The following ANKRD33B variants were observed in gnomAD, a reference collection of about 807,000 sequenced individuals.
The protein encoded by ANKRD33B is ankyrin repeat domain-containing protein 33B.
ANKRD33B carries 6 observed loss-of-function variants against 21.5 expected under a neutral mutation model. That is an observed-to-expected ratio of 0.28 (90% confidence interval 0.15 to 0.55). The LOEUF is 0.55. ANKRD33B is among the 20% of genes least tolerant of loss of function. The pLI is 0.94. For missense variants in ANKRD33B, 698 were observed against 747.2 expected (o/e 0.93, Z 0.77); for synonymous variants, 347 against 342.4 (o/e 1.01, Z -0.15).
intron 1 of ANKRD33B, among the ~76,000 whole-genome samples, chr5:10,604,526 A>G (rs920298407): frequency 1.4e-5 from 2 of 143,642 alleles, no homozygotes; most frequent in African/African-American, 2.6e-5. Context: ...AAAAAAAAAG[A>G]AAAAAAAAAG....
chr5:10,569,409 C>T (rs1047321098), intron 1 of ANKRD33B, among the ~76,000 whole-genome samples: 3 of 151,930 alleles, frequency 2.0e-5, no homozygotes, highest in Non-Finnish European at 2.9e-5. Context: ...ACAGCCTGGG[C>T]AACATGGTGA....
intron 1 of ANKRD33B, among the ~76,000 whole-genome samples, chr5:10,614,483 C>A (rs1736240744): frequency 6.6e-6 from 1 of 152,202 alleles, no homozygotes; most frequent in Non-Finnish European, 1.5e-5. Flanking sequence ...CTTGCCCAGG[C>A]TGGTCTCAAA....
At chr5:10,644,698 CTGTTTA>C (rs982023683) in intron 3 of ANKRD33B, among the ~76,000 whole-genome samples, 11 of 152,196 alleles carry the variant, frequency 7.2e-5, no homozygotes, top group Middle Eastern at 3.2e-3. Context: ...AGGTTTCTTT[CTGTTTA>C]TAAGGAAAAC....
intron 1 of ANKRD33B, among the ~76,000 whole-genome samples, chr5:10,617,564 TC>T (rs1291658775): frequency 1.3e-5 from 2 of 152,200 alleles, no homozygotes; most frequent in South Asian, 4.1e-4. Flanking sequence ...CACAGTGGTC[TC>T]CCATCAGCCC....
chr5:10,649,120 G>A (rs1737257170), intron 3 of ANKRD33B, 146 bp from the exon 4 acceptor site: 12 of 1,394,654 alleles, frequency 8.6e-6, no homozygotes, highest in Non-Finnish European at 9.4e-6. Context: ...CACAGGGTTC[G>A]CAGAGTGAAC....
rs1461881847 is a variant in ANKRD33B at position 10,649,338 on chromosome 5, T to C, written c.710T>C (p.Val237Ala). ...GAGTGGGCCACTTACACGGGCCGCG[T>C]GGATGCCGTCCGTCTCATGCAGAGG... ...PQEWATYTGR[V>A]DAVRLMQRLL... The change falls in exon 4 of 4, where the codon GTG (valine) becomes GCG (alanine). Residue 237 changes from valine (V) to alanine (A), a missense_variant. Physicochemically the swap from Val to Ala is moderately conservative, Grantham distance 64 (BLOSUM62 0). Coordinates refer to ENST00000296657, the MANE Select transcript of ANKRD33B (RefSeq NM_001164440.2). 2.0e-6 allele frequency: 3 copies of C among 1,534,964 alleles called. No homozygotes were observed. In the South Asian group the frequency reaches 3.6e-5, roughly 18 times the overall value.
chr5:10,649,452 G>C lies in ANKRD33B; in HGVS notation c.824G>C (p.Gly275Ala), dbSNP rs577790371. 5 of 1,535,150 alleles carry C rather than the reference G, an allele frequency of 3.3e-6. 1 individual carries two copies. In the Admixed American group the frequency reaches 9.8e-5, roughly 30 times the overall value. The change falls in exon 4 of 4, where the codon GGC becomes GCC. Residue 275 changes from glycine (G) to alanine (A), a missense_variant. Around this residue, in one of 3 missense-constraint regions of ANKRD33B, gnomAD observed 543 missense variants for 566.5 expected, o/e 0.96. Coordinates refer to ENST00000296657, the MANE Select transcript of ANKRD33B (RefSeq NM_001164440.2). ...PPPEAARKPA[G>A]SKNCLQRLTD... is the part of the protein sequence containing the mutation. ...CCTGAAGCGGCGCGGAAGCCCGCGG[G>C]CTCCAAGAACTGCCTGCAGAGGCTC...
Position 10,652,519 on chromosome 5 carries a change from A to G in ANKRD33B, c.*2406A>G, listed in dbSNP as rs1386299175. On this transcript the variant is annotated 3_prime_UTR_variant, in exon 4 of 4. Coordinates refer to ENST00000296657, the MANE Select transcript of ANKRD33B (RefSeq NM_001164440.2). The surrounding 1 kb of genome is among the most constrained non-coding windows in gnomAD (Gnocchi z 4.1). ...CCAGACATTCCTGCCTGTTTCCACC[A>G]TGGGAAGCTGTCACTGGGAATGGTA... The G allele has an allele frequency of 6.6e-6, 1 of 152,670 alleles. No individual in the cohort carries two copies. The highest frequency in any genetic ancestry group is 1.5e-5 in the Non-Finnish European group (1 of 68,172). The allele number at this position is 152,670 out of a possible 1,614,324, so 9.5% of individuals were successfully genotyped here.
chr5:10,569,350 A>G (rs1255127852), intron 1 of ANKRD33B, among the ~76,000 whole-genome samples: 1 of 152,136 alleles, frequency 6.6e-6, no homozygotes, highest in Non-Finnish European at 1.5e-5. Flanking sequence ...TAATCCCAGC[A>G]CTTTGGGAGG....
chr5:10,646,047 A>G (rs1007497903), intron 3 of ANKRD33B, among the ~76,000 whole-genome samples: 8 of 152,214 alleles, frequency 5.3e-5, no homozygotes, highest in African/African-American at 1.9e-4. Context: ...CTAATATGTC[A>G]ACAGTGCTGA....
At position 10,656,111 on chromosome 5, in the gene ANKRD33B, G is replaced by T. The variant is rs370413138; in HGVS notation, c.*5998G>T. ...CTCGGTGCATTTGGAACTTGTTTATGCGCTGGTATAACTCGAGTCAGCTGC... is the reference window on the plus strand; with the variant it reads ...CTCGGTGCATTTGGAACTTGTTTATTCGCTGGTATAACTCGAGTCAGCTGC... On this transcript the variant is annotated 3_prime_UTR_variant, in exon 4 of 4. Coordinates refer to ENST00000296657, the MANE Select transcript of ANKRD33B (RefSeq NM_001164440.2). 1 of 152,284 alleles carries T rather than the reference G, an allele frequency of 6.6e-6. No individual in the cohort carries two copies. The highest frequency in any genetic ancestry group is 1.5e-5 in the Non-Finnish European group (1 of 68,034). 9.4% of individuals were successfully genotyped at this position (152,284 alleles called of 1,614,324 possible). A position where few individuals can be genotyped will look rare whatever the true frequency, so the allele number is the denominator to read the frequency against.
chr5:10,569,597 AAAATAAATAAAT>A (rs56346529), intron 1 of ANKRD33B, among the ~76,000 whole-genome samples: 1 of 148,316 alleles, frequency 6.7e-6, no homozygotes, highest in Non-Finnish European at 1.5e-5. Flanking sequence ...CCCGTGTTTG[AAAATAAATAAAT>A]AAATAAATAA....
chr5:10,638,526 G>T (rs73741427), intron 3 of ANKRD33B, among the ~76,000 whole-genome samples: 1,840 of 152,352 alleles, frequency 0.012, 39 homozygotes, highest in African/African-American at 0.042. Context: ...CTGTGCTGTT[G>T]AAGGTGGGCG....
intron 1 of ANKRD33B, among the ~76,000 whole-genome samples, chr5:10,591,937 GT>G (rs1735704182): frequency 6.6e-6 from 1 of 151,892 alleles, no homozygotes; most frequent in Non-Finnish European, 1.5e-5. Flanking sequence ...TATATTTATT[GT>G]TATCTTATTA....
chr5:10,601,782 A>G (rs1735938526), intron 1 of ANKRD33B, among the ~76,000 whole-genome samples: 1 of 152,214 alleles, frequency 6.6e-6, no homozygotes, highest in Admixed American at 6.5e-5. Flanking sequence ...CGACACCTAT[A>G]TATTCCTAAA....
At chr5:10,606,542 T>C (rs1394264290) in intron 1 of ANKRD33B, among the ~76,000 whole-genome samples, 1 of 152,084 alleles carries the variant, frequency 6.6e-6, no homozygotes, top group South Asian at 2.1e-4. Context: ...GAGACCATCC[T>C]GGCCAACATG....
chr5:10,581,553 T>G (rs1000350859), intron 1 of ANKRD33B, among the ~76,000 whole-genome samples: 3 of 152,226 alleles, frequency 2.0e-5, no homozygotes, highest in Admixed American at 6.5e-5. Context: ...GCACTTTTCA[T>G]AGGCTGGCCT....
At chr5:10,611,441 T>A (rs948511862) in intron 1 of ANKRD33B, among the ~76,000 whole-genome samples, 1 of 152,246 alleles carries the variant, frequency 6.6e-6, no homozygotes, top group African/African-American at 2.4e-5. Context: ...TCTGTGTGGT[T>A]CGCCTGCTTT....
In ANKRD33B at chr5:10,649,521, GC is replaced by G; in HGVS notation, c.896del (p.Pro299ArgfsTer13). The G allele has an allele frequency of 6.5e-7, 1 of 1,533,482 alleles. No homozygotes were observed. Among genetic ancestry groups the G allele is most frequent in the Non-Finnish European group, 8.7e-7 (1 of 1,145,638 alleles). 95.0% of individuals were successfully genotyped at this position (1,533,482 alleles called of 1,614,324 possible). On this transcript the variant is annotated frameshift_variant, in exon 4 of 4. Transcript: ENST00000296657. LOFTEE classifies it low-confidence loss of function (END_TRUNC). The stretch of plus-strand genomic sequence containing the variant: ...GTGCTGACGCCGCGCTCCGTGCGGG[GC>G]CCGGAGGACGGGGGCGTCCTGGACC... ...LSVLTPRSVR[G>X]PEDGGVLDHM...
Sources: gnomAD v4.1 joint callset for allele counts (sites outside exome capture counted in the v4.1 genomes callset) on GRCh38, gnomAD v4.1.1 for gene constraint, gnomAD v4.1.1 regional missense constraint, Gnocchi (gnomAD v3.1) non-coding constraint, MANE v1.5 for transcripts, NCBI Gene and HGNC (gene_info 2026-07-23, HGNC 2026-07-21) for gene names.